The following MAN1A1 variants were observed in gnomAD, a reference collection of about 807,000 sequenced individuals.
MAN1A1 encodes mannosidase alpha class 1A member 1, also known as mannosyl-oligosaccharide 1,2-alpha-mannosidase IA.
MAN1A1 carries 29 observed loss-of-function variants against 70.8 expected under a neutral mutation model. The observed-to-expected ratio is 0.41, with a 90% confidence interval of 0.31 to 0.56. The LOEUF (loss-of-function observed/expected upper bound fraction) is 0.56, where lower values mean the gene tolerates loss of function less well. MAN1A1 is among the 20% of genes least tolerant of loss of function. The pLI is 0.29. For missense variants in MAN1A1, 747 were observed against 841.3 expected, an observed-to-expected ratio of 0.89 and a Z score of 1.39; for synonymous variants, 349 against 330.1, an observed-to-expected ratio of 1.06 and a Z score of -0.62.
chr6:119,289,080 T>C (rs532145367), intron 5 of MAN1A1, among the ~76,000 whole-genome samples: 8 of 144,424 alleles, frequency 5.5e-5, no homozygotes, highest in South Asian at 2.3e-4. Flanking sequence ...TATATATATA[T>C]ACATATCAAG....
intron 5 of MAN1A1, among the ~76,000 whole-genome samples, chr6:119,250,242 C>A (rs9489634): frequency 0.072 from 10,906 of 152,210 alleles, 614 homozygotes; most frequent in African/African-American, 0.16. Flanking sequence ...TTAATTAACT[C>A]CTTTTCAAGA....
intron 6 of MAN1A1, among the ~76,000 whole-genome samples, chr6:119,226,073 A>T (rs758210420): frequency 2.6e-5 from 4 of 152,216 alleles, no homozygotes; most frequent in Non-Finnish European, 5.9e-5. Flanking sequence ...ACCATTTTAA[A>T]GTTCCTATAA....
chr6:119,328,240 G>A (rs1418506767), intron 2 of MAN1A1, among the ~76,000 whole-genome samples: 1 of 152,212 alleles, frequency 6.6e-6, no homozygotes, highest in Non-Finnish European at 1.5e-5. Flanking sequence ...GTGGCAGACA[G>A]GGATTTAGAA....
intron 5 of MAN1A1, among the ~76,000 whole-genome samples, chr6:119,264,963 T>C (rs1045595814): frequency 6.6e-6 from 1 of 152,218 alleles, no homozygotes; most frequent in Non-Finnish European, 1.5e-5. Flanking sequence ...GCTATGCCAA[T>C]ACTGTAGATT....
At chr6:119,291,320 T>C (rs58217236) in intron 4 of MAN1A1, among the ~76,000 whole-genome samples, 72,782 of 151,852 alleles carry the variant, frequency 0.48, 18,262 homozygotes, top group Non-Finnish European at 0.55. Flanking sequence ...TGTGAAACTG[T>C]TAAATCCATT....
At chr6:119,213,504 A>G (rs1000213890) in intron 6 of MAN1A1, among the ~76,000 whole-genome samples, 6 of 152,232 alleles carry the variant, frequency 3.9e-5, no homozygotes, top group African/African-American at 1.4e-4. Context: ...TCAACAGAAC[A>G]TAAACTACTA....
intron 4 of MAN1A1, among the ~76,000 whole-genome samples, chr6:119,294,764 A>T (rs1388867085): frequency 6.6e-6 from 1 of 152,140 alleles, no homozygotes; most frequent in Admixed American, 6.6e-5. Context: ...ATCAAAGAAC[A>T]CACTGAACCA....
chr6:119,272,532 T>C (rs914789729), intron 5 of MAN1A1, among the ~76,000 whole-genome samples: 2 of 152,170 alleles, frequency 1.3e-5, no homozygotes, highest in African/African-American at 4.8e-5. Context: ...TAGCCCAAAA[T>C]TTCCATGTAT....
chr6:119,347,824 G>A (rs1055898265), intron 2 of MAN1A1, among the ~76,000 whole-genome samples: 3 of 152,252 alleles, frequency 2.0e-5, no homozygotes, highest in Non-Finnish European at 4.4e-5. Flanking sequence ...TTGTGCTGCT[G>A]TGGAGGCAAA....
intron 2 of MAN1A1, among the ~76,000 whole-genome samples, chr6:119,332,678 G>A (rs188572348): frequency 5.6e-4 from 85 of 151,878 alleles, no homozygotes; most frequent in South Asian, 2.9e-3. Context: ...TTAGCTGGGC[G>A]TGGTGGCGGG....
At chr6:119,190,194 C>T (rs9481889) in intron 9 of MAN1A1, among the ~76,000 whole-genome samples, 3,366 of 152,252 alleles carry the variant, frequency 0.022, 135 homozygotes, top group African/African-American at 0.076. Flanking sequence ...CACTGTGCAG[C>T]AGTAATAGTT....
At chr6:119,347,204 C>G (rs1193328248) in intron 2 of MAN1A1, among the ~76,000 whole-genome samples, 1 of 152,154 alleles carries the variant, frequency 6.6e-6, no homozygotes, top group African/African-American at 2.4e-5. Context: ...CCAAATTCAG[C>G]TGATCTTATA....
At chr6:119,296,799 A>T (rs187552134) in intron 4 of MAN1A1, among the ~76,000 whole-genome samples, 1 of 152,316 alleles carries the variant, frequency 6.6e-6, no homozygotes, top group African/African-American at 2.4e-5. Flanking sequence ...CATGATCCAG[A>T]TGCTTGCCAA....
chr6:119,328,656 G>T (rs2114489009), intron 2 of MAN1A1, among the ~76,000 whole-genome samples: 1 of 152,300 alleles, frequency 6.6e-6, no homozygotes, highest in South Asian at 2.1e-4. Flanking sequence ...CAAAAGATAA[G>T]ACCTGATTAT....
rs761798893 is a variant in MAN1A1, at chr6:119,189,735, C to T, written c.1475G>A (p.Gly492Asp). ...GAGTTCAAGGTAGTGTTGGGCCATG[C>T]CTTCGGGAGCTGCATCAGCCCCGAG... is the stretch of plus-strand genomic sequence containing the variant. ...FALGADAAPE[G>D]MAQHYLELGA... The change falls in exon 10 of 13, where the codon GGC (glycine) becomes GAC (aspartate). Residue 492 changes from glycine to aspartate, a missense_variant. Transcript: ENST00000368468. The T allele has an allele frequency of 5.6e-6, 9 of 1,614,074 alleles. No homozygotes were observed. Among genetic ancestry groups the T allele is most frequent in the South Asian group, 1.1e-5 (1 of 91,082 alleles).
At chr6:119,322,867 C>T (rs894466810) in intron 2 of MAN1A1, among the ~76,000 whole-genome samples, 2 of 152,208 alleles carry the variant, frequency 1.3e-5, no homozygotes, top group Non-Finnish European at 2.9e-5. Context: ...TTTTCAACCG[C>T]TACGTAGCTG....
Position 119,179,705 on chromosome 6 carries a change from G to T in MAN1A1, c.*114C>A. ...CATAAAAGACTGCAAAACAATTTAA[G>T]AACTTAATCACAGACCTACTAATCA... is the stretch of plus-strand genomic sequence containing the variant. On this transcript the variant is annotated 3_prime_UTR_variant, in exon 13 of 13. Transcript: ENST00000368468. The T allele has an allele frequency of 2.1e-6, 2 of 958,112 alleles. No individual in the cohort carries two copies. Among genetic ancestry groups the T allele is most frequent in the Non-Finnish European group, 3.1e-6 (2 of 646,520 alleles). The allele number at this position is 958,112 out of a possible 1,614,324, so 59.4% of individuals were successfully genotyped here.
At chr6:119,308,924 T>C (rs1383674076) in intron 2 of MAN1A1, among the ~76,000 whole-genome samples, 1 of 152,216 alleles carries the variant, frequency 6.6e-6, no homozygotes, top group African/African-American at 2.4e-5. Flanking sequence ...GTACCACTAG[T>C]AAAGGATCTC....
At chr6:119,284,427 T>G (rs975539784) in intron 5 of MAN1A1, among the ~76,000 whole-genome samples, 11 of 152,174 alleles carry the variant, frequency 7.2e-5, no homozygotes, top group African/African-American at 2.4e-4. Flanking sequence ...AAAACATGGT[T>G]CTTACTGCTC....
Sources: allele counts gnomAD v4.1 joint callset (sites outside exome capture counted in the v4.1 genomes callset), GRCh38; gene constraint gnomAD v4.1.1; transcripts MANE v1.5; gene names NCBI Gene and HGNC (gene_info 2026-07-23, HGNC 2026-07-21).